Variants in CDH22 observed in about 807,000 individuals in gnomAD.
CDH22 encodes cadherin-22.
In CDH22, 30 loss-of-function variants were observed where a neutral mutation model predicts 58.4. That is an observed-to-expected ratio of 0.51 (90% CI 0.38 to 0.70). CDH22 has a LOEUF of 0.70. Ranked by LOEUF, CDH22 falls within the 30% of genes least tolerant of loss-of-function variation. The pLI, the probability that CDH22 is intolerant of heterozygous loss-of-function variation, is 0.00. For synonymous variants in CDH22, 513 were observed against 558.2 expected, an observed-to-expected ratio of 0.92 and a Z score of 1.14; for missense variants, 1,014 against 1,233.9, an observed-to-expected ratio of 0.82 and a Z score of 2.67.
chr20:46,255,645 C>A (rs1037093181), intron 1 of CDH22, among the ~76,000 whole-genome samples: 1 of 152,328 alleles, frequency 6.6e-6, no homozygotes. Context: ...GGTGCCCTGG[C>A]AGCCTGCCAA....
chr20:46,301,498 T>TA (rs34249422), intron 1 of CDH22, among the ~76,000 whole-genome samples: 4,145 of 138,050 alleles, frequency 0.03, 86 homozygotes, highest in Admixed American at 0.037. Context: ...ACTTGCCTAT[T>TA]AAAAAAATAT....
intron 1 of CDH22, among the ~76,000 whole-genome samples, chr20:46,305,083 T>G (rs2086668497): frequency 6.6e-6 from 1 of 152,178 alleles, no homozygotes; most frequent in South Asian, 2.1e-4. Context: ...CACCTCTGTT[T>G]CCAAGCAGCC....
chr20:46,178,416 A>C (rs2085757447), intron 10 of CDH22, among the ~76,000 whole-genome samples: 2 of 151,534 alleles, frequency 1.3e-5, no homozygotes, highest in African/African-American at 4.9e-5. Context: ...CCCAAAGTCT[A>C]CCCTCAGCTG....
intron 8 of CDH22, among the ~76,000 whole-genome samples, chr20:46,195,614 A>ACCCCCCCCCCCC (rs113226361): frequency 1.9e-5 from 2 of 105,782 alleles, no homozygotes; most frequent in South Asian, 3.8e-4. Context: ...TCTCCCCTAG[A>ACCCCCCCCCCCC]CCCCCCCCCC....
chr20:46,242,101 A>G (rs1437930362), intron 2 of CDH22, among the ~76,000 whole-genome samples: 1 of 152,192 alleles, frequency 6.6e-6, no homozygotes, highest in Non-Finnish European at 1.5e-5. Context: ...TAACTGAAAG[A>G]GCACCTTCCA....
At chr20:46,188,455 A>G (rs1187183300) in intron 8 of CDH22, among the ~76,000 whole-genome samples, 2 of 152,170 alleles carry the variant, frequency 1.3e-5, no homozygotes, top group Admixed American at 1.3e-4. Context: ...AGTTATTTAT[A>G]TCCTACTGCT....
chr20:46,182,869 G>A (rs2085799168), intron 10 of CDH22, among the ~76,000 whole-genome samples: 1 of 152,244 alleles, frequency 6.6e-6, no homozygotes, highest in Admixed American at 6.5e-5. Context: ...CAGTGAGGAG[G>A]AGGGGGCTTG....
chr20:46,212,085 T>C (rs552170644), intron 6 of CDH22, among the ~76,000 whole-genome samples: 1 of 152,318 alleles, frequency 6.6e-6, no homozygotes, highest in East Asian at 1.9e-4. Flanking sequence ...TTGTCTATCC[T>C]CAAGCCCTCA....
At chr20:46,202,601 C>G (rs1216558670) in intron 7 of CDH22, among the ~76,000 whole-genome samples, 1 of 152,174 alleles carries the variant, frequency 6.6e-6, no homozygotes. Context: ...GATCCGCCCG[C>G]CTCGGCCTCC....
At chr20:46,303,276 CT>C (rs1278673684) in intron 1 of CDH22, among the ~76,000 whole-genome samples, 5 of 152,300 alleles carry the variant, frequency 3.3e-5, no homozygotes, top group African/African-American at 1.2e-4. Context: ...GGCATGGAGG[CT>C]GCCTTCTCTG....
At chr20:46,287,413 G>A (rs2086581170) in intron 1 of CDH22, among the ~76,000 whole-genome samples, 1 of 152,148 alleles carries the variant, frequency 6.6e-6, no homozygotes, top group Non-Finnish European at 1.5e-5. Context: ...CTGACAGGGA[G>A]CTCGGACTAG....
At chr20:46,266,842 T>C (rs1683514547) in intron 1 of CDH22, among the ~76,000 whole-genome samples, 1 of 151,842 alleles carries the variant, frequency 6.6e-6, no homozygotes, top group Non-Finnish European at 1.5e-5. Context: ...CAAAATCTCA[T>C]TGCCAGGCCT....
intron 10 of CDH22, among the ~76,000 whole-genome samples, chr20:46,185,979 G>A (rs998145603): frequency 2.0e-5 from 3 of 152,056 alleles, no homozygotes; most frequent in South Asian, 2.1e-4. Context: ...TTGGGAGGCC[G>A]AGGCAGGCCG....
chr20:46,240,642 T>A (rs1449587203), intron 3 of CDH22, among the ~76,000 whole-genome samples: 1 of 152,114 alleles, frequency 6.6e-6, no homozygotes, highest in East Asian at 1.9e-4. Context: ...GCATGTGGCA[T>A]GTCCAGATCT....
Position 46,308,149 on chromosome 20 carries a change from G to T in CDH22, c.-400+106C>A, listed in dbSNP as rs2059032247. 1 of 150,728 alleles carries T rather than the reference G, an allele frequency of 6.6e-6. No homozygotes were observed. The highest frequency in any genetic ancestry group is 2.1e-4 in the South Asian group (1 of 4,804). The allele number at this position is 150,728 out of a possible 1,614,324, so 9.3% of individuals were successfully genotyped here. ...CTGCGGCTGGAGGCTCGCCCCCCGC[G>T]CCGCCTGCCCGGCCGCTCCCGCCGG... On this transcript the variant is annotated intron_variant, in intron 1 of 11. Transcript: ENST00000537909. The surrounding 1 kb of genome is among the most constrained non-coding windows in gnomAD (Gnocchi z 4.3).
Position 46,175,031 on chromosome 20 carries a change from G to T in CDH22, c.1962C>A (p.His654Gln). 6.2e-7 allele frequency: 1 copy of T among 1,610,042 alleles called. No homozygotes were observed. Reference protein sequence around the residue: ...ILTLRRHHKSHLSSDEDEDMR... With the variant: ...ILTLRRHHKSQLSSDEDEDMR... ...TGTCTTCATCCTCGTCCGAGCTCAG[G>T]TGGCTCTTGTGGTGGCGCCTGAGGG... is the stretch of plus-strand genomic sequence containing the variant. Residue 654 changes from histidine to glutamine, a missense_variant, in exon 12 of 12, where the codon CAC (histidine) becomes CAA (glutamine). Physicochemically the swap from His to Gln is conservative, Grantham distance 24. Coordinates refer to ENST00000537909, the MANE Select transcript of CDH22 (RefSeq NM_021248.3).
At chr20:46,186,751 C>T in intron 9 of CDH22, 46 bp from the exon 10 acceptor site, 1 of 1,603,698 alleles carries the variant, frequency 6.2e-7, no homozygotes, top group Non-Finnish European at 8.5e-7. Context: ...AGGCTGAGAC[C>T]ACTCTGGGTC....
Position 46,241,058 on chromosome 20 carries a change from G to C in CDH22, c.455C>G (p.Ser152Trp). ...GTCCTGCACCTTGATGATGAACTCC[G>C]ACTCGGGCTCCAGTAGGCGGTTGGT... is the stretch of plus-strand genomic sequence containing the variant. ...RATNRLLEPESEFIIKVQDIN... is the reference protein window; with the variant it reads ...RATNRLLEPEWEFIIKVQDIN... Residue 152 changes from serine (S) to tryptophan (W), a missense_variant, in exon 3 of 12, where the codon TCG becomes TGG. Transcript: ENST00000537909. The surrounding 1 kb of genome is among the most constrained non-coding windows in gnomAD (Gnocchi z 5.2). The C allele has an allele frequency of 6.2e-7, 1 of 1,614,148 alleles. No individual in the cohort carries two copies. Among genetic ancestry groups the C allele is most frequent in the African/African-American group, 1.3e-5 (1 of 75,060 alleles).
intron 1 of CDH22, among the ~76,000 whole-genome samples, chr20:46,260,973 C>T (rs1018388895): frequency 3.3e-5 from 5 of 152,190 alleles, no homozygotes; most frequent in African/African-American, 1.2e-4. Flanking sequence ...GGGGCTTCTG[C>T]ACCCCTGCCT....
Sources: allele counts gnomAD v4.1 joint callset (sites outside exome capture counted in the v4.1 genomes callset), GRCh38; gene constraint gnomAD v4.1.1; non-coding constraint Gnocchi (gnomAD v3.1); transcripts MANE v1.5; gene names NCBI Gene and HGNC (gene_info 2026-07-23, HGNC 2026-07-21).